The following KAZN variants were observed in gnomAD, a reference collection of about 807,000 sequenced individuals.
The protein encoded by KAZN is kazrin, periplakin interacting protein.
KAZN carries 40 observed loss-of-function variants against 87.4 expected under a neutral mutation model. That is an observed-to-expected ratio of 0.46 (90% CI 0.36 to 0.60). The LOEUF (loss-of-function observed/expected upper bound fraction) is 0.60. Ranked by LOEUF, KAZN falls within the 20% of genes least tolerant of loss-of-function variation. The pLI, the probability that KAZN is intolerant of heterozygous loss-of-function variation, is 0.00. For synonymous variants in KAZN, 466 were observed against 458.3 expected (o/e 1.02, Z -0.22); for missense variants, 898 against 1,073.9 (o/e 0.84, Z 2.29).
chr1:14,888,735 C>A (rs1168534363), intron 1 of KAZN, among the ~76,000 whole-genome samples: 1 of 152,106 alleles, frequency 6.6e-6, no homozygotes, highest in African/African-American at 2.4e-5. Flanking sequence ...ACCCCAACAT[C>A]TCAATAGCTT....
At chr1:14,544,493 T>C (rs1224913757) in intron 2 of KAZN, among the ~76,000 whole-genome samples, 1 of 151,284 alleles carries the variant, frequency 6.6e-6, no homozygotes, top group African/African-American at 2.4e-5. Flanking sequence ...AGGAGAAACA[T>C]AGACTTCTTA....
chr1:14,940,597 T>C (rs149010133), intron 1 of KAZN, among the ~76,000 whole-genome samples: 3 of 152,338 alleles, frequency 2.0e-5, no homozygotes, highest in East Asian at 3.9e-4. Flanking sequence ...CTTAGAGCTC[T>C]CGTCCCCTAC....
At position 15,066,486 on chromosome 1, in the gene KAZN, G is replaced by C; in HGVS notation, c.1222+733G>C. ...GGCCAAGGGGCCTTGTCTTGGCTGG[G>C]TTTGTCAGAGGTCAAACCGGCTCTT... is the stretch of plus-strand genomic sequence containing the variant. On this transcript the variant is annotated intron_variant, in intron 8 of 14. Coordinates refer to ENST00000376030, the MANE Select transcript of KAZN (RefSeq NM_201628.3). This position sits in a 1 kb window ranked among gnomAD's most constrained non-coding sequence, Gnocchi z 4.3. 1.0e-6 allele frequency: 1 copy of C among 985,308 alleles called. No individual in the cohort carries two copies. The highest frequency in any genetic ancestry group is 1.2e-6 in the Non-Finnish European group (1 of 829,924). 61.0% of individuals were successfully genotyped at this position (985,308 alleles called of 1,614,324 possible).
intron 8 of KAZN, among the ~76,000 whole-genome samples, chr1:15,078,470 C>G (rs1164440747): frequency 6.6e-6 from 1 of 152,168 alleles, no homozygotes; most frequent in Admixed American, 6.5e-5. Flanking sequence ...CTGCACGACA[C>G]TGCTTTCCAG....
chr1:14,090,383 C>T (rs1472138385), intron 1 of KAZN, among the ~76,000 whole-genome samples: 1 of 151,964 alleles, frequency 6.6e-6, no homozygotes, highest in African/African-American at 2.4e-5. Flanking sequence ...TTTTCTCTCT[C>T]TCTCTCTTTT....
At chr1:14,942,064 C>T (rs567157001) in intron 1 of KAZN, among the ~76,000 whole-genome samples, 11 of 152,318 alleles carry the variant, frequency 7.2e-5, no homozygotes, top group African/African-American at 2.6e-4. Flanking sequence ...ACAATGCAAA[C>T]ACCTGCTCCT....
At chr1:14,239,592 C>T (rs545467283) in intron 2 of KAZN, among the ~76,000 whole-genome samples, 6 of 151,464 alleles carry the variant, frequency 4.0e-5, no homozygotes, top group African/African-American at 1.5e-4. Flanking sequence ...TCCCGAGTAG[C>T]TGGGATTACA....
chr1:14,850,970 G>A (rs762725292), intron 1 of KAZN, among the ~76,000 whole-genome samples: 3 of 152,192 alleles, frequency 2.0e-5, no homozygotes, highest in Non-Finnish European at 2.9e-5. Context: ...GAGACAGCAC[G>A]CAGTCTTTCT....
chr1:14,612,038 T>C (rs1008625659), intron 1 of KAZN, among the ~76,000 whole-genome samples: 4 of 152,220 alleles, frequency 2.6e-5, no homozygotes, highest in South Asian at 2.1e-4. Context: ...TTGCCAACCC[T>C]TGGACATGTA....
chr1:14,467,840 T>C (rs1668248332), intron 2 of KAZN, among the ~76,000 whole-genome samples: 1 of 152,186 alleles, frequency 6.6e-6, no homozygotes, highest in African/African-American at 2.4e-5. Flanking sequence ...GCTCCAGGCT[T>C]AGCAACTCCA....
chr1:15,033,003 A>G (rs1303607603), intron 2 of KAZN, among the ~76,000 whole-genome samples: 4 of 152,190 alleles, frequency 2.6e-5, no homozygotes, highest in Non-Finnish European at 5.9e-5. Context: ...GGTTGTATCT[A>G]TACTGAACAT....
intron 2 of KAZN, among the ~76,000 whole-genome samples, chr1:14,329,439 A>G (rs2100865439): frequency 6.6e-6 from 1 of 152,364 alleles, no homozygotes; most frequent in African/African-American, 2.4e-5. Flanking sequence ...ATCAGACAAC[A>G]ATGAGAAATA....
intron 2 of KAZN, among the ~76,000 whole-genome samples, chr1:15,007,242 G>A (rs542719568): frequency 1.3e-5 from 2 of 152,166 alleles, no homozygotes; most frequent in African/African-American, 4.8e-5. Context: ...TGGGAGGCTG[G>A]GCAGTCCTCG....
intron 1 of KAZN, among the ~76,000 whole-genome samples, chr1:14,017,580 A>C (rs79683186): frequency 0.043 from 6,604 of 152,320 alleles, 217 homozygotes; most frequent in Non-Finnish European, 0.067. Context: ...AGTTAAACCC[A>C]GCCTGTCTGA....
intron 1 of KAZN, among the ~76,000 whole-genome samples, chr1:14,780,741 G>T (rs1296207721): frequency 1.3e-5 from 2 of 152,214 alleles, no homozygotes; most frequent in Admixed American, 1.3e-4. Context: ...GACACTAACA[G>T]GTGATGATCG....
intron 1 of KAZN, among the ~76,000 whole-genome samples, chr1:14,935,301 C>G (rs536718287): frequency 3.9e-5 from 6 of 152,188 alleles, no homozygotes; most frequent in African/African-American, 1.4e-4. Context: ...AGTGCGGTGG[C>G]GCAATCTTGG....
rs1037460812 is a variant in KAZN, at chr1:14,477,451, T to C, written c.250-121532T>C. ...CTCTCTCTCTCTCTCTCTCCCCCTC[T>C]CTCTCTCTCTCTTTCTCTCTCTCTC... On this transcript the variant is annotated intron_variant, in intron 2 of 16. Transcript: ENST00000636203. Among the ~76,000 whole-genome samples, 14 of 139,454 alleles carry C rather than the reference T, an allele frequency of 1.0e-4. No homozygotes were observed. In the South Asian group the frequency reaches 2.7e-3, roughly 27 times the overall value. 91.5% of individuals were successfully genotyped at this position (139,454 alleles called of 152,430 possible). A position where few individuals can be genotyped will look rare whatever the true frequency, so the allele number is the denominator to read the frequency against.
chr1:14,493,696 A>G (rs1176336676), intron 2 of KAZN, among the ~76,000 whole-genome samples: 1 of 152,150 alleles, frequency 6.6e-6, no homozygotes. Context: ...CTCCAATTCC[A>G]TGAAGATGTC....
intron 2 of KAZN, among the ~76,000 whole-genome samples, chr1:14,591,687 C>A (rs987373460): frequency 6.6e-6 from 1 of 152,118 alleles, no homozygotes; most frequent in African/African-American, 2.4e-5. Context: ...TGCGCCTGAC[C>A]GACTTTCCCA....
Sources: gnomAD v4.1 joint callset for allele counts (sites outside exome capture counted in the v4.1 genomes callset) on GRCh38, gnomAD v4.1.1 for gene constraint, Gnocchi (gnomAD v3.1) non-coding constraint, MANE v1.5 for transcripts, NCBI Gene and HGNC (gene_info 2026-07-23, HGNC 2026-07-21) for gene names.